ASPG: variants seen among roughly 807,000 people sequenced by gnomAD.
ASPG encodes the protein 60 kDa lysophospholipase.
Under a neutral mutation model 63.2 loss-of-function variants are expected in ASPG, and 53 were observed. That is an observed-to-expected ratio of 0.84 (90% CI 0.67 to 1.05). The LOEUF (loss-of-function observed/expected upper bound fraction) is 1.05, where lower values mean the gene tolerates loss of function less well. Ranked by LOEUF, ASPG falls within the 50% of genes least tolerant of loss-of-function variation. ASPG has a pLI of 0.00. For missense variants in ASPG, 741 were observed against 794.4 expected, an observed-to-expected ratio of 0.93 and a Z score of 0.81; for synonymous variants, 370 against 355.0, an observed-to-expected ratio of 1.04 and a Z score of -0.48.
chr14:104,090,126 T>A lies in ASPG; in HGVS notation c.83-2507T>A, dbSNP rs1770986. Among the ~76,000 whole-genome samples, 254 of 152,180 alleles carry A rather than the reference T, an allele frequency of 1.7e-3. 7 individuals carry two copies. The East Asian group carries it at 0.043, about 26-fold the overall frequency. On this transcript the variant is annotated intron_variant, in intron 1 of 15. Coordinates refer to ENST00000551177, the MANE Select transcript of ASPG (RefSeq NM_001080464.3). ...CCACTGCAAAAGCACATATGGAGTG[T>A]TTTGCTTGAGAGAAGAGGACACCAA...
In ASPG at chr14:104,098,753, G is replaced by A. The variant is rs45449394; in HGVS notation, c.514-100G>A. The A allele has an allele frequency of 0.015, 23,052 of 1,535,912 alleles. 243 individuals carry two copies. Among genetic ancestry groups the A allele is most frequent in the Middle Eastern group, 0.027 (156 of 5,800 alleles). On this transcript the variant is annotated intron_variant, in intron 5 of 15. Coordinates refer to ENST00000551177, the MANE Select transcript of ASPG (RefSeq NM_001080464.3). ...TGGGGTTACAGTCCCACCTCCCCCT[G>A]GGTCTGGGCACCTCATTGATGGCAG...
chr14:104,099,728 C>T (rs933055466), intron 6 of ASPG, among the ~76,000 whole-genome samples: 9 of 152,216 alleles, frequency 5.9e-5, no homozygotes, highest in African/African-American at 1.9e-4. Flanking sequence ...AGCATCCCCT[C>T]CCTCCTGGGA....
Position 104,105,454 on chromosome 14 carries a change from A to G in ASPG, c.1173+4A>G, listed in dbSNP as rs2037080173. 1 of 1,579,916 alleles carries G rather than the reference A, an allele frequency of 6.3e-7. No homozygotes were observed. Among genetic ancestry groups the G allele is most frequent in the Non-Finnish European group, 8.6e-7 (1 of 1,164,254 alleles). On this transcript the variant is annotated splice_donor_region_variant and intron_variant, in intron 10 of 15. Coordinates refer to ENST00000551177, the MANE Select transcript of ASPG (RefSeq NM_001080464.3). Reference sequence around the variant, plus strand: ...CCTCAGTCTGAGCGGCAGCCAGGTAATGGCGTGGGACACGGGCCTGAGTGG... The same window carrying G: ...CCTCAGTCTGAGCGGCAGCCAGGTAGTGGCGTGGGACACGGGCCTGAGTGG...
At chr14:104,107,132 G>C (rs1426154897) in intron 11 of ASPG, 50 bp from the exon 12 acceptor site, 2 of 1,522,946 alleles carry the variant, frequency 1.3e-6, no homozygotes, top group African/African-American at 1.4e-5. Flanking sequence ...TGGCCTACCT[G>C]GCCCCGCCTG....
In ASPG at chr14:104,110,837, G is replaced by A; in HGVS notation, c.1521-665G>A. 1 of 985,382 alleles carries A rather than the reference G, an allele frequency of 1.0e-6. No homozygotes were observed. Among genetic ancestry groups the A allele is most frequent in the South Asian group, 4.7e-5 (1 of 21,286 alleles). The allele number at this position is 985,382 out of a possible 1,614,324, so 61.0% of individuals were successfully genotyped here. A position where few individuals can be genotyped will look rare whatever the true frequency, so the allele number is the denominator to read the frequency against. ...CTCCTGGCCTCCCCAGGTGGCGAGTGAGTTCTTCCCAGGAGGGTGGCAGGG... is the reference window on the plus strand; with the variant it reads ...CTCCTGGCCTCCCCAGGTGGCGAGTAAGTTCTTCCCAGGAGGGTGGCAGGG... On this transcript the variant is annotated intron_variant, in intron 13 of 15. Coordinates refer to ENST00000551177, the MANE Select transcript of ASPG (RefSeq NM_001080464.3). This position sits in a 1 kb window ranked among gnomAD's most constrained non-coding sequence, Gnocchi z 4.7.
In ASPG at chr14:104,112,817, G is replaced by C. The variant is rs2037418191; in HGVS notation, c.*273G>C. The C allele has an allele frequency of 6.5e-6, 4 of 611,922 alleles. No individual in the cohort carries two copies. The Admixed American group carries it at 1.2e-4, about 19-fold the overall frequency. The allele number at this position is 611,922 out of a possible 1,614,324, so 37.9% of individuals were successfully genotyped here. ...GTGGGGTCTCTGCGGGGGTCACTTG[G>C]CCCATCCTTCCGGGGGCAGCTGTGC... On this transcript the variant is annotated 3_prime_UTR_variant, in exon 16 of 16. Coordinates refer to ENST00000551177, the MANE Select transcript of ASPG (RefSeq NM_001080464.3).
chr14:104,108,132 C>A (rs904855860), intron 12 of ASPG, among the ~76,000 whole-genome samples: 3 of 152,028 alleles, frequency 2.0e-5, no homozygotes, highest in African/African-American at 2.4e-5. Flanking sequence ...AAGCGGTGAG[C>A]CCTGGGGTGG....
chr14:104,105,136 G>C, intron 9 of ASPG, 192 bp from the exon 10 acceptor site: 4 of 826,924 alleles, frequency 4.8e-6, no homozygotes, highest in Non-Finnish European at 7.4e-6. Flanking sequence ...ACCCTGAGCT[G>C]GTAGGGCCAG....
In ASPG at chr14:104,107,251, A is replaced by G. The variant is rs770394511; in HGVS notation, c.1339A>G (p.Thr447Ala). The part of the protein sequence containing the change: ...PLHAAARGGH[T>A]EAVTMLLQRG... The stretch of plus-strand genomic sequence containing the variant: ...GCACGCGGCCGCCCGGGGAGGCCAC[A>G]CAGAGGCAGTCACCATGCTGCTGCA... The change falls in exon 12 of 16, where the codon ACA becomes GCA. Residue 447 changes from threonine to alanine, a missense_variant. Transcript: ENST00000551177. The G allele has an allele frequency of 9.3e-6, 15 of 1,608,724 alleles. 1 individual carries two copies. The highest frequency in any genetic ancestry group is 1.7e-4 in the Middle Eastern group (1 of 6,058).
rs1258122829 is a variant in ASPG at position 104,115,217 on chromosome 14, G to C, written c.*2673G>C. ...CCAGCTGGAGGTAACCAGATTTCTC[G>C]TGTATGCTAGGAAGTTCCCCTTCTG... On this transcript the variant is annotated 3_prime_UTR_variant, in exon 16 of 16. Coordinates refer to ENST00000551177, the MANE Select transcript of ASPG (RefSeq NM_001080464.3). The C allele has an allele frequency of 1.3e-5, 2 of 152,180 alleles. No individual in the cohort carries two copies. Among genetic ancestry groups the C allele is most frequent in the Admixed American group, 6.5e-5 (1 of 15,282 alleles). The allele number at this position is 152,180 out of a possible 1,614,324, so 9.4% of individuals were successfully genotyped here.
intron 9 of ASPG, 147 bp from the exon 10 acceptor site, chr14:104,105,181 G>T (rs1053715689): frequency 1.1e-5 from 14 of 1,296,554 alleles, no homozygotes; most frequent in South Asian, 5.4e-5. Flanking sequence ...GACCCAGCCC[G>T]CTCTGGCCCG....
At chr14:104,105,612 G>A (rs1345919795) in intron 10 of ASPG, among the ~76,000 whole-genome samples, 162 bp downstream of exon 10, 1 of 152,202 alleles carries the variant, frequency 6.6e-6, no homozygotes, top group Non-Finnish European at 1.5e-5. Flanking sequence ...TTTGGGGTCT[G>A]CAGCAAGGAA....
rs1433207292 is a variant in ASPG at position 104,085,868 on chromosome 14, T to C, written c.82+16T>C. 15 of 1,576,410 alleles carry C rather than the reference T, an allele frequency of 9.5e-6. No homozygotes were observed. The East Asian group carries it at 3.6e-4, about 38-fold the overall frequency. On this transcript the variant is annotated intron_variant, in intron 1 of 15. Transcript: ENST00000551177. ...GAGCTCGGCGGTGAGTCCGAGACCC[T>C]GGGCGGGGTAGGCCTCTGGACCTGG...
intron 6 of ASPG, among the ~76,000 whole-genome samples, chr14:104,100,779 G>C (rs540717136): frequency 1.1e-4 from 16 of 152,270 alleles, no homozygotes; most frequent in African/African-American, 3.8e-4. Context: ...GCTGGTGCTG[G>C]TAGGGTACTG....
rs1282691947 is a variant in ASPG at position 104,114,813 on chromosome 14, A to G, written c.*2269A>G. The G allele has an allele frequency of 2.0e-5, 3 of 152,154 alleles. No homozygotes were observed. Among genetic ancestry groups the G allele is most frequent in the Non-Finnish European group, 2.9e-5 (2 of 68,066 alleles). The allele number at this position is 152,154 out of a possible 1,614,324, so 9.4% of individuals were successfully genotyped here. On this transcript the variant is annotated 3_prime_UTR_variant, in exon 16 of 16. Transcript: ENST00000551177. ...ACCGGGTCCCCGTCTATCCTACTTC[A>G]TGGCTGAGGAAGCTAAGGCACAGAG...
intron 4 of ASPG, among the ~76,000 whole-genome samples, chr14:104,096,662 C>T (rs1413247407): frequency 6.6e-6 from 1 of 152,210 alleles, no homozygotes; most frequent in Admixed American, 6.5e-5. Flanking sequence ...CACCGCAGGA[C>T]CCACGAACGT....
At position 104,091,410 on chromosome 14, in the gene ASPG, G is replaced by T. The variant is rs2036363005; in HGVS notation, c.83-1223G>T. The stretch of plus-strand genomic sequence containing the variant: ...GCGGGCTCCGCCTCCCCCGTCTGCT[G>T]GCTGAGCCCTACTGGCGGGGTGATT... On this transcript the variant is annotated intron_variant, in intron 1 of 15. Coordinates refer to ENST00000551177, the MANE Select transcript of ASPG (RefSeq NM_001080464.3). This position sits in a 1 kb window ranked among gnomAD's most constrained non-coding sequence, Gnocchi z 6.4. Among the ~76,000 whole-genome samples, 1 of 152,198 alleles carries T rather than the reference G, an allele frequency of 6.6e-6. No individual in the cohort carries two copies. Among genetic ancestry groups the T allele is most frequent in the African/African-American group, 2.4e-5 (1 of 41,440 alleles).
At chr14:104,103,277 C>G (rs947435713) in intron 6 of ASPG, among the ~76,000 whole-genome samples, 4 of 152,264 alleles carry the variant, frequency 2.6e-5, no homozygotes, top group African/African-American at 9.6e-5. Context: ...GGGCTTCACC[C>G]TTGAGACTGT....
chr14:104,087,744 G>T (rs1415146188), intron 1 of ASPG, among the ~76,000 whole-genome samples: 1 of 152,204 alleles, frequency 6.6e-6, no homozygotes, highest in Non-Finnish European at 1.5e-5. Context: ...GGTCCGAGCT[G>T]CAGGGGCAGG....
Sources: allele counts gnomAD v4.1 joint callset (sites outside exome capture counted in the v4.1 genomes callset), GRCh38; gene constraint gnomAD v4.1.1; non-coding constraint Gnocchi (gnomAD v3.1); transcripts MANE v1.5; gene names NCBI Gene and HGNC (gene_info 2026-07-23, HGNC 2026-07-21).